The following RARB variants were observed in gnomAD, a reference collection of about 807,000 sequenced individuals.
RARB encodes the protein HBV-activated protein.
In RARB, 17 loss-of-function variants were observed where a neutral mutation model predicts 51.9. That is an observed-to-expected ratio of 0.33 (90% CI 0.22 to 0.49). The LOEUF (loss-of-function observed/expected upper bound fraction) is 0.49, where lower values mean the gene tolerates loss of function less well. Ranked by LOEUF, RARB falls within the 20% of genes least tolerant of loss-of-function variation. The probability of loss-of-function intolerance (pLI) is 0.99; values close to 1 mark genes in which losing one functional copy is unlikely to be tolerated. For synonymous variants in RARB, 215 were observed against 195.4 expected, an observed-to-expected ratio of 1.10 and a Z score of -0.84; for missense variants, 369 against 550.8, an observed-to-expected ratio of 0.67 and a Z score of 3.30.
intron 2 of RARB, among the ~76,000 whole-genome samples, chr3:25,489,802 G>T (rs114792682): frequency 1.3e-5 from 2 of 152,224 alleles, no homozygotes; most frequent in Admixed American, 6.5e-5. Context: ...GGTTTGGGGG[G>T]CCTGGGTAAG....
At chr3:24,958,139 G>A (rs1369143523) in intron 2 of RARB, among the ~76,000 whole-genome samples, 1 of 151,790 alleles carries the variant, frequency 6.6e-6, no homozygotes, top group Non-Finnish European at 1.5e-5. Context: ...TAGATCAGCA[G>A]CTTTTGATAG....
intron 5 of RARB, among the ~76,000 whole-genome samples, chr3:25,399,516 TAC>T (rs1210641147): frequency 2.0e-5 from 3 of 152,282 alleles, no homozygotes; most frequent in East Asian, 3.9e-4. Flanking sequence ...CTGCCTGAAA[TAC>T]ACACACAATG....
chr3:25,430,063 T>C (rs1039339996), intron 1 of RARB, among the ~76,000 whole-genome samples: 4 of 152,204 alleles, frequency 2.6e-5, no homozygotes, highest in African/African-American at 9.6e-5. Flanking sequence ...TCTGAAACTT[T>C]TTCTTAAGAA....
intron 3 of RARB, among the ~76,000 whole-genome samples, chr3:25,566,181 G>A (rs140781201): frequency 2.2e-4 from 34 of 152,280 alleles, no homozygotes; most frequent in Middle Eastern, 3.4e-3. Context: ...CTGCGTCTGC[G>A]TTCTTCTAGA....
At chr3:24,883,359 TGTGTGTGTGTGTG>T (rs2125358375) in intron 2 of RARB, among the ~76,000 whole-genome samples, 1 of 82,384 alleles carries the variant, frequency 1.2e-5, no homozygotes, top group South Asian at 4.0e-4. Flanking sequence ...ACAATCATTG[TGTGTGTGTGTGTG>T]TGTGTGTGTG....
chr3:25,163,504 A>AATATATAT lies in RARB; in HGVS notation c.-279-10588_-279-10581dup, dbSNP rs138389529. ...TGAGCAGAATAAGACCCTATCTCAA[A>AATATATAT]ATATATATATATATATATATATATA... On this transcript the variant is annotated intron_variant, in intron 4 of 11. Coordinates refer to the RARB transcript ENST00000383772. 1.8e-3 allele frequency among the ~76,000 whole-genome samples: 237 copies of AATATATAT among 130,992 alleles called. 3 individuals carry two copies. Among genetic ancestry groups the AATATATAT allele is most frequent in the African/African-American group, 4.2e-3 (130 of 31,110 alleles). 85.9% of individuals were successfully genotyped at this position (130,992 alleles called of 152,430 possible).
intron 4 of RARB, among the ~76,000 whole-genome samples, chr3:25,143,974 G>A (rs766619387): frequency 2.6e-4 from 39 of 152,068 alleles, no homozygotes; most frequent in Non-Finnish European, 4.9e-4. Flanking sequence ...AATCAACCCA[G>A]TTCACTTTCT....
chr3:25,325,527 G>C (rs1704689172), intron 5 of RARB, among the ~76,000 whole-genome samples: 1 of 151,846 alleles, frequency 6.6e-6, no homozygotes, highest in Admixed American at 6.6e-5. Flanking sequence ...CGCTCTGACA[G>C]AAGCAGACCA....
chr3:25,396,433 GGTT>G (rs1707116202), intron 5 of RARB, among the ~76,000 whole-genome samples: 2 of 152,326 alleles, frequency 1.3e-5, no homozygotes, highest in African/African-American at 4.8e-5. Flanking sequence ...CTTCAAGTGG[GGTT>G]GTTCTTTTGT....
chr3:25,553,389 C>G lies in RARB; in HGVS notation c.449-16369C>G, dbSNP rs565763715. ...GAACTCTAGGAATCTTTAAGCCCAT[C>G]CTCTTCATCTCTGTGTGATTTAGAC... is the stretch of plus-strand genomic sequence containing the variant. On this transcript the variant is annotated intron_variant, in intron 3 of 7. Transcript: ENST00000330688. 6.6e-5 allele frequency among the ~76,000 whole-genome samples: 10 copies of G among 152,300 alleles called. No homozygotes were observed. In the South Asian group the frequency reaches 2.1e-3, roughly 32 times the overall value.
intron 5 of RARB, among the ~76,000 whole-genome samples, chr3:25,269,905 G>A (rs986827866): frequency 8.5e-5 from 13 of 152,256 alleles, no homozygotes; most frequent in Non-Finnish European, 1.9e-4. Flanking sequence ...CATACGAAAA[G>A]ATGTTCAGCA....
At chr3:25,473,736 A>G (rs1221440835) in intron 2 of RARB, among the ~76,000 whole-genome samples, 1 of 152,022 alleles carries the variant, frequency 6.6e-6, no homozygotes, top group Non-Finnish European at 1.5e-5. Context: ...CTTGTTCTCA[A>G]GTGTTTCTGA....
intron 5 of RARB, among the ~76,000 whole-genome samples, chr3:25,201,337 C>T (rs150775903): frequency 0.19 from 28,359 of 152,060 alleles, 2,836 homozygotes; most frequent in African/African-American, 0.26. Flanking sequence ...TGGGCTGAGA[C>T]GATGGGGTTT....
intron 3 of RARB, among the ~76,000 whole-genome samples, chr3:25,534,986 T>C (rs1699079493): frequency 1.3e-5 from 2 of 152,162 alleles, no homozygotes; most frequent in African/African-American, 2.4e-5. Context: ...AAAATAGCCA[T>C]GTGGCTGTAG....
intron 1 of RARB, among the ~76,000 whole-genome samples, chr3:24,844,635 T>A (rs1475311068): frequency 6.6e-6 from 1 of 152,226 alleles, no homozygotes; most frequent in Non-Finnish European, 1.5e-5. Context: ...GGAAATGAAT[T>A]GTACTGCATG....
chr3:25,013,913 A>C (rs2125281211), intron 2 of RARB, among the ~76,000 whole-genome samples: 1 of 152,214 alleles, frequency 6.6e-6, no homozygotes. Context: ...TGGTTCACAA[A>C]ACTGAAAAGT....
At chr3:25,222,044 A>G (rs1443355295) in intron 5 of RARB, among the ~76,000 whole-genome samples, 1 of 152,198 alleles carries the variant, frequency 6.6e-6, no homozygotes, top group Non-Finnish European at 1.5e-5. Context: ...AATCGGAACG[A>G]GCTATCACTC....
At chr3:25,427,891 G>A (rs1708040708), upstream of RARB, among the ~76,000 whole-genome samples, 1 of 152,154 alleles carries the variant, frequency 6.6e-6, no homozygotes, top group Non-Finnish European at 1.5e-5. Flanking sequence ...GGCGGTGGGC[G>A]GGAGGCGAGC....
intron 5 of RARB, among the ~76,000 whole-genome samples, chr3:25,207,764 G>A (rs1354615062): frequency 6.6e-6 from 1 of 152,148 alleles, no homozygotes; most frequent in African/African-American, 2.4e-5. Flanking sequence ...ATGAATGAAC[G>A]AATGCAATTA....
Sources: gnomAD v4.1 joint callset for allele counts (sites outside exome capture counted in the v4.1 genomes callset) on GRCh38, gnomAD v4.1.1 for gene constraint, MANE v1.5 for transcripts, NCBI Gene and HGNC (gene_info 2026-07-23, HGNC 2026-07-21) for gene names.